The following ZNF248 variants were observed in gnomAD, a reference collection of about 807,000 sequenced individuals.
The protein encoded by ZNF248 is KRAB protein domain.
A neutral mutation model predicts 44.3 loss-of-function variants in ZNF248; 20 were observed. The observed-to-expected ratio is 0.45, with a 90% CI of 0.32 to 0.66. ZNF248 has a LOEUF of 0.66. Among genes scored for constraint, ZNF248 ranks in the 30% least tolerant of loss-of-function variants. The pLI is 0.04. For missense variants in ZNF248, 654 were observed against 677.0 expected (o/e 0.97, Z 0.38); for synonymous variants, 224 against 229.0 (o/e 0.98, Z 0.20).
At chr10:37,777,340 C>T (rs866989443) in intron 6 of ZNF248, among the ~76,000 whole-genome samples, 4 of 152,170 alleles carry the variant, frequency 2.6e-5, no homozygotes, top group South Asian at 2.1e-4. Context: ...AGGTACTAAG[C>T]CACCCGCTTC....
downstream of ZNF248, among the ~76,000 whole-genome samples, chr10:37,825,166 T>C (rs953431615): frequency 3.9e-5 from 6 of 152,142 alleles, no homozygotes; most frequent in African/African-American, 1.4e-4. Context: ...TACTTAGATT[T>C]GTAAGAGCAC....
At chr10:37,772,674 C>A (rs1285098299), downstream of ZNF248, among the ~76,000 whole-genome samples, 1 of 152,212 alleles carries the variant, frequency 6.6e-6, no homozygotes, top group Non-Finnish European at 1.5e-5. Context: ...GTATGAGAAA[C>A]CTGCACTTTA....
chr10:37,847,032 G>T (rs181128195), intron 3 of ZNF248, among the ~76,000 whole-genome samples: 155 of 152,146 alleles, frequency 1.0e-3, no homozygotes, highest in African/African-American at 3.6e-3. Context: ...GTGGTGTTTT[G>T]TTGTTGTTGC....
chr10:37,832,641 T>C lies in ZNF248; in HGVS notation c.714A>G (p.Gly238=). 6.2e-7 allele frequency: 1 copy of C among 1,613,382 alleles called. No homozygotes were observed. The highest frequency in any genetic ancestry group is 2.2e-5 in the East Asian group (1 of 44,860). ...AFFTNKRSQI[G]ETVCKYNECG... ...ATTCGTTATATTTACAGACTGTCTC[T>C]CCTATCTGAGATCTCTTATTTGTAA... The change falls in exon 6 of 6, where the codon GGA becomes GGG. Residue 238 remains glycine, a synonymous_variant. Coordinates refer to ENST00000395867, the MANE Select transcript of ZNF248 (RefSeq NM_021045.3).
Position 37,831,450 on chromosome 10 carries a change from C to T in ZNF248, c.*165G>A. 6.8e-7 allele frequency: 1 copy of T among 1,465,398 alleles called. No homozygotes were observed. Among genetic ancestry groups the T allele is most frequent in the Non-Finnish European group, 9.0e-7 (1 of 1,110,148 alleles). 90.8% of individuals were successfully genotyped at this position (1,465,398 alleles called of 1,614,324 possible). A position where few individuals can be genotyped will look rare whatever the true frequency, so the allele number is the denominator to read the frequency against. Reference sequence around the variant, plus strand: ...TATTACTTAGATGAATAGAATTCCCCTCAGTACAAATTTTCTAATGAAAAG... The same window carrying T: ...TATTACTTAGATGAATAGAATTCCCTTCAGTACAAATTTTCTAATGAAAAG... On this transcript the variant is annotated 3_prime_UTR_variant, in exon 6 of 6. Transcript: ENST00000395867.
intron 6 of ZNF248, among the ~76,000 whole-genome samples, chr10:37,800,076 A>G (rs2049623339): frequency 6.6e-6 from 1 of 152,166 alleles, no homozygotes; most frequent in Non-Finnish European, 1.5e-5. Context: ...AAAAGAAAGA[A>G]AAAAGAAAAC....
chr10:37,851,614 G>A (rs1208518186), intron 3 of ZNF248, among the ~76,000 whole-genome samples: 1 of 150,980 alleles, frequency 6.6e-6, no homozygotes, highest in Non-Finnish European at 1.5e-5. Flanking sequence ...TGTTACAGGG[G>A]TTCAAGAAAA....
rs979740062 is a variant in ZNF248 at position 37,780,318 on chromosome 10, A to G, written c.331-3743T>C. On this transcript the variant is annotated intron_variant, in intron 6 of 6. Coordinates refer to the ZNF248 transcript ENST00000615949. ...GCATGGTACTGGTACTAAAACAGAG[A>G]TATAAATCAATGGAACAGAACAGAG... Among the ~76,000 whole-genome samples, 4 of 152,206 alleles carry G rather than the reference A, an allele frequency of 2.6e-5. No homozygotes were observed. In the East Asian group the frequency reaches 5.8e-4, roughly 22 times the overall value.
intron 6 of ZNF248, among the ~76,000 whole-genome samples, chr10:37,793,835 T>G (rs529879106): frequency 6.6e-6 from 1 of 152,324 alleles, no homozygotes; most frequent in East Asian, 1.9e-4. Flanking sequence ...TGCTATAAAA[T>G]ATTTCACATC....
the ZNF248 span, among the ~76,000 whole-genome samples, chr10:37,764,272 C>T: frequency 1.3e-5 from 2 of 152,286 alleles, no homozygotes; most frequent in South Asian, 2.1e-4. Flanking sequence ...CCCGGTCTCC[C>T]GTAGCACTCC....
At chr10:37,810,139 C>T (rs1226075719) in intron 6 of ZNF248, among the ~76,000 whole-genome samples, 2 of 152,160 alleles carry the variant, frequency 1.3e-5, no homozygotes, top group Non-Finnish European at 2.9e-5. Flanking sequence ...TAAAAATAAC[C>T]TTAACCTTGA....
At chr10:37,763,728 C>T in the ZNF248 span, among the ~76,000 whole-genome samples, 17 of 152,238 alleles carry the variant, frequency 1.1e-4, no homozygotes, top group East Asian at 7.7e-4. Context: ...ACAGAGGGAC[C>T]GGCTGAAGCC....
chr10:37,766,326 A>T, the ZNF248 span, among the ~76,000 whole-genome samples: 1 of 152,082 alleles, frequency 6.6e-6, no homozygotes, highest in East Asian at 1.9e-4. Flanking sequence ...TGGGTCCTTG[A>T]CCCCCAAGCA....
chr10:37,764,792 G>C, the ZNF248 span, among the ~76,000 whole-genome samples: 11 of 152,090 alleles, frequency 7.2e-5, no homozygotes, highest in African/African-American at 2.7e-4. Flanking sequence ...AATATAGGAT[G>C]TTTACTATAT....
At chr10:37,798,983 T>A (rs1186892612) in intron 6 of ZNF248, among the ~76,000 whole-genome samples, 1 of 152,160 alleles carries the variant, frequency 6.6e-6, no homozygotes. Flanking sequence ...TTAGGTCAAG[T>A]GTACATGTCT....
chr10:37,834,813 C>T (rs928755930), intron 5 of ZNF248, among the ~76,000 whole-genome samples: 4 of 152,210 alleles, frequency 2.6e-5, no homozygotes, highest in Admixed American at 6.5e-5. Flanking sequence ...CAAACAAGAA[C>T]GGAAGTTTTC....
downstream of ZNF248, among the ~76,000 whole-genome samples, chr10:37,771,537 C>T (rs1021319463): frequency 6.2e-4 from 93 of 149,448 alleles, no homozygotes; most frequent in African/African-American, 2.2e-3. Flanking sequence ...AAAATCAAAA[C>T]ACCGCATGTT....
chr10:37,838,646 C>T (rs2134138527), intron 3 of ZNF248, among the ~76,000 whole-genome samples: 1 of 152,026 alleles, frequency 6.6e-6, no homozygotes, highest in Non-Finnish European at 1.5e-5. Context: ...AGATCATCTT[C>T]TGGAGCTTCC....
chr10:37,857,885 G>A (rs1030780194), upstream of ZNF248: 1 of 152,312 alleles, frequency 6.6e-6, no homozygotes, highest in Non-Finnish European at 1.5e-5. Flanking sequence ...AGACGCCCTC[G>A]TCCCACCGTC....
Sources: gnomAD v4.1 joint callset for allele counts (sites outside exome capture counted in the v4.1 genomes callset) on GRCh38, gnomAD v4.1.1 for gene constraint, MANE v1.5 for transcripts, NCBI Gene and HGNC (gene_info 2026-07-23, HGNC 2026-07-21) for gene names.